PPP2R5C: variants seen among roughly 807,000 people sequenced by gnomAD.
The protein encoded by PPP2R5C is serine/threonine-protein phosphatase 2A 56 kDa regulatory subunit gamma isoform.
A neutral mutation model predicts 68.9 loss-of-function variants in PPP2R5C; 7 were observed. The ratio of observed to expected loss-of-function variants is 0.10; its 90% CI spans 0.06 to 0.19. PPP2R5C has a LOEUF of 0.19. Ranked by LOEUF, PPP2R5C falls within the 10% of genes least tolerant of loss-of-function variation. The pLI is 1.00. For missense variants in PPP2R5C, 348 were observed against 641.3 expected, an observed-to-expected ratio of 0.54 and a Z score of 4.94; for synonymous variants, 210 against 222.2, an observed-to-expected ratio of 0.95 and a Z score of 0.49.
chr14:101,871,228 TTTGTTG>T (rs1555395078), intron 2 of PPP2R5C, among the ~76,000 whole-genome samples: 136 of 117,646 alleles, frequency 1.2e-3, no homozygotes, highest in Non-Finnish European at 1.8e-3. Flanking sequence ...TGTTTTGGTT[TTTGTTG>T]TTGTTGTTGT....
intron 1 of PPP2R5C, among the ~76,000 whole-genome samples, chr14:101,811,129 A>C (rs149094167): frequency 0.013 from 1,934 of 152,332 alleles, 16 homozygotes; most frequent in Non-Finnish European, 0.021. Flanking sequence ...TACTGGAATA[A>C]AATGGGTGGT....
In PPP2R5C at chr14:101,781,978, T is replaced by G. The variant is rs1318538384; in HGVS notation, c.94-4040T>G. ...CTGCTCCCAAGGGAGCCCCTCGCCC[T>G]CTCTCTCTCCTTCCCTCATTCCCTT... On this transcript the variant is annotated intron_variant, in intron 2 of 14. Transcript: ENST00000328724. This position sits in a 1 kb window ranked among gnomAD's most constrained non-coding sequence, Gnocchi z 6.4. Among the ~76,000 whole-genome samples, 1 of 150,154 alleles carries G rather than the reference T, an allele frequency of 6.7e-6. No homozygotes were observed. The highest frequency in any genetic ancestry group is 1.5e-5 in the Non-Finnish European group (1 of 67,438).
At chr14:101,818,870 T>A in intron 1 of PPP2R5C, 1 of 722,300 alleles carries the variant, frequency 1.4e-6, no homozygotes, top group Non-Finnish European at 2.3e-6. Flanking sequence ...TTGTCATCGA[T>A]GTATGTGACC....
intron 1 of PPP2R5C, chr14:101,810,409 A>C (rs972802018): frequency 5.5e-5 from 10 of 183,168 alleles, no homozygotes; most frequent in South Asian, 2.3e-4. Flanking sequence ...GTTCGTACGC[A>C]GAGTTTCTGT....
chr14:101,862,381 G>C (rs12897772), intron 2 of PPP2R5C, among the ~76,000 whole-genome samples: 11,146 of 152,238 alleles, frequency 0.073, 448 homozygotes, highest in Middle Eastern at 0.14. Flanking sequence ...CAATGAACAA[G>C]TATTTTCCAA....
rs527472160 is a variant in PPP2R5C at position 101,913,050 on chromosome 14, G to A, written c.1326+577G>A. Among the ~76,000 whole-genome samples the A allele has an allele frequency of 4.8e-4, 73 of 152,306 alleles. No individual in the cohort carries two copies. The highest frequency in any genetic ancestry group is 1.7e-3 in the African/African-American group (71 of 41,572). ...GATGGCCGGACGTCCCGGAGCTGCC[G>A]GCAGTTCCAGCTGCCGGGGCTGCCA... On this transcript the variant is annotated intron_variant, in intron 12 of 13. Transcript: ENST00000334743. This position sits in a 1 kb window ranked among gnomAD's most constrained non-coding sequence, Gnocchi z 4.1.
At chr14:101,920,819 G>A (rs1318615422) in intron 13 of PPP2R5C, among the ~76,000 whole-genome samples, 2 of 152,106 alleles carry the variant, frequency 1.3e-5, no homozygotes, top group African/African-American at 4.8e-5. Context: ...AGGCTGGAGT[G>A]CAGTGGTGTG....
At chr14:101,912,139 A>G (rs1396938870) in intron 11 of PPP2R5C, among the ~76,000 whole-genome samples, 1 of 152,224 alleles carries the variant, frequency 6.6e-6, no homozygotes, top group Non-Finnish European at 1.5e-5. Flanking sequence ...GGAAGGGGGA[A>G]GGATTGAGAC....
intron 3 of PPP2R5C, among the ~76,000 whole-genome samples, chr14:101,795,692 G>A (rs1279969377): frequency 2.0e-5 from 3 of 152,202 alleles, no homozygotes; most frequent in Non-Finnish European, 4.4e-5. Context: ...TTGGTCTTTT[G>A]TGAAAGAAGT....
chr14:101,872,535 T>G (rs1387743289), intron 2 of PPP2R5C, among the ~76,000 whole-genome samples: 1 of 152,174 alleles, frequency 6.6e-6, no homozygotes, highest in Non-Finnish European at 1.5e-5. Context: ...TGGTCTTGCC[T>G]TCAGTTTTGA....
intron 1 of PPP2R5C, 38 bp downstream of exon 1, chr14:101,761,958 G>T: frequency 1.7e-6 from 2 of 1,191,616 alleles, no homozygotes; most frequent in Non-Finnish European, 2.1e-6. Context: ...AGGGAGCAGG[G>T]AGGGACTGCC....
intron 11 of PPP2R5C, among the ~76,000 whole-genome samples, chr14:101,912,156 C>T (rs1381759390): frequency 6.6e-6 from 1 of 152,148 alleles, no homozygotes; most frequent in Non-Finnish European, 1.5e-5. Flanking sequence ...AGACATAAGA[C>T]GTACTTATAT....
intron 2 of PPP2R5C, among the ~76,000 whole-genome samples, chr14:101,774,423 G>T (rs1241960329): frequency 2.6e-5 from 4 of 152,164 alleles, no homozygotes; most frequent in African/African-American, 7.2e-5. Flanking sequence ...TGGGGATAAG[G>T]TGGCTATGGA....
chr14:101,865,715 G>T (rs929436516), intron 2 of PPP2R5C, among the ~76,000 whole-genome samples: 2 of 152,172 alleles, frequency 1.3e-5, no homozygotes, highest in African/African-American at 4.8e-5. Context: ...GGATGAAAGG[G>T]GAACACATGG....
chr14:101,809,791 G>C, upstream of PPP2R5C: 1 of 1,334,140 alleles, frequency 7.5e-7, no homozygotes, highest in Non-Finnish European at 9.7e-7. Context: ...TGCAGCTTCC[G>C]GCCAATCAGC....
At chr14:101,799,735 G>C (rs1213682949) in intron 3 of PPP2R5C, among the ~76,000 whole-genome samples, 1 of 152,194 alleles carries the variant, frequency 6.6e-6, no homozygotes, top group Non-Finnish European at 1.5e-5. Context: ...AAATTGATTT[G>C]AGACAGGGAG....
At chr14:101,796,790 C>T (rs1427286517) in intron 3 of PPP2R5C, 2 of 214,892 alleles carry the variant, frequency 9.3e-6, no homozygotes, top group Non-Finnish European at 1.9e-5. Flanking sequence ...CTCATTACCG[C>T]ACACAGAGAC....
At chr14:101,780,548 C>T (rs763083960) in intron 2 of PPP2R5C, among the ~76,000 whole-genome samples, 3 of 152,068 alleles carry the variant, frequency 2.0e-5, no homozygotes, top group African/African-American at 4.8e-5. Flanking sequence ...TGTGGTGGCT[C>T]GACTGCCCGG....
intron 13 of PPP2R5C, chr14:101,921,198 G>T: frequency 3.9e-6 from 1 of 254,688 alleles, no homozygotes; most frequent in Non-Finnish European, 8.0e-6. Context: ...CTCCCAAGCA[G>T]CAGTGACTAC....
Sources: allele counts gnomAD v4.1 joint callset (sites outside exome capture counted in the v4.1 genomes callset), GRCh38; gene constraint gnomAD v4.1.1; non-coding constraint Gnocchi (gnomAD v3.1); transcripts MANE v1.5; gene names NCBI Gene and HGNC (gene_info 2026-07-23, HGNC 2026-07-21).